Variants in SLC1A1 observed in about 807,000 individuals in gnomAD.
SLC1A1 encodes the protein excitatory amino acid transporter 3.
SLC1A1 carries 43 observed loss-of-function variants against 53.3 expected under a neutral mutation model. The observed-to-expected ratio is 0.81, with a 90% CI of 0.63 to 1.04. The LOEUF (loss-of-function observed/expected upper bound fraction) is 1.04. Among genes scored for constraint, SLC1A1 ranks in the 50% least tolerant of loss-of-function variants. The pLI is 0.00. For synonymous variants in SLC1A1, 307 were observed against 243.2 expected (o/e 1.26, Z -2.44); for missense variants, 748 against 664.9 (o/e 1.12, Z -1.37).
At chr9:4,501,764 C>T (rs576062745) in intron 1 of SLC1A1, among the ~76,000 whole-genome samples, 2 of 150,970 alleles carry the variant, frequency 1.3e-5, no homozygotes, top group South Asian at 2.1e-4. Context: ...AACTCCATCT[C>T]CAAAACAAAA....
Position 4,556,547 on chromosome 9 carries a change from T to G in SLC1A1, c.233-4902T>G, listed in dbSNP as rs1586780749. ...ACCTCGCCAGCCACCAAAGATGGCC[T>G]GAGAGCAAGAAACCCGGGGGTCCAT... On this transcript the variant is annotated intron_variant, in intron 2 of 11. Transcript: ENST00000262352. This position sits in a 1 kb window ranked among gnomAD's most constrained non-coding sequence, Gnocchi z 4.1. Among the ~76,000 whole-genome samples, 1 of 152,272 alleles carries G rather than the reference T, an allele frequency of 6.6e-6. No individual in the cohort carries two copies. The highest frequency in any genetic ancestry group is 2.4e-5 in the African/African-American group (1 of 41,546).
chr9:4,544,321 C>T (rs184831096), intron 1 of SLC1A1, among the ~76,000 whole-genome samples: 289 of 152,118 alleles, frequency 1.9e-3, no homozygotes, highest in African/African-American at 6.0e-3. Flanking sequence ...TAATTGATAG[C>T]GAAGAAATGA....
chr9:4,558,289 C>T (rs936097063), intron 2 of SLC1A1, among the ~76,000 whole-genome samples: 4 of 152,156 alleles, frequency 2.6e-5, no homozygotes, highest in Non-Finnish European at 5.9e-5. Flanking sequence ...GCCAGCTCTG[C>T]CCCCATGTTG....
chr9:4,497,001 A>G (rs1195228010), intron 1 of SLC1A1, among the ~76,000 whole-genome samples: 3 of 152,136 alleles, frequency 2.0e-5, no homozygotes, highest in Non-Finnish European at 4.4e-5. Flanking sequence ...GGAGGGACCT[A>G]GTTGGGGATT....
intron 2 of SLC1A1, among the ~76,000 whole-genome samples, chr9:4,550,565 T>TA (rs1408261988): frequency 1.3e-5 from 2 of 152,244 alleles, no homozygotes; most frequent in African/African-American, 4.8e-5. Context: ...GGCTAATTCT[T>TA]ACTTTTGTCG....
At chr9:4,523,393 G>A (rs1195556609) in intron 1 of SLC1A1, among the ~76,000 whole-genome samples, 1 of 150,846 alleles carries the variant, frequency 6.6e-6, no homozygotes, top group African/African-American at 2.4e-5. Flanking sequence ...GTACCACTAA[G>A]ACCCTAAGAC....
chr9:4,583,307 AC>A lies in SLC1A1; in HGVS notation c.1328+137del. 8.8e-7 allele frequency: 1 copy of A among 1,139,414 alleles called. No homozygotes were observed. The highest frequency in any genetic ancestry group is 1.3e-6 in the Non-Finnish European group (1 of 759,808). 70.6% of individuals were successfully genotyped at this position (1,139,414 alleles called of 1,614,324 possible). A position where few individuals can be genotyped will look rare whatever the true frequency, so the allele number is the denominator to read the frequency against. On this transcript the variant is annotated intron_variant, in intron 11 of 11. Coordinates refer to ENST00000262352, the MANE Select transcript of SLC1A1 (RefSeq NM_004170.6). This position sits in a 1 kb window ranked among gnomAD's most constrained non-coding sequence, Gnocchi z 4.6. ...CTGTTGCTGCTTTAATTTTCCTCTG[AC>A]CAGGCCATCTGATAACATGCCTAAA...
At chr9:4,552,360 C>T (rs1818005377) in intron 2 of SLC1A1, among the ~76,000 whole-genome samples, 1 of 152,074 alleles carries the variant, frequency 6.6e-6, no homozygotes, top group Non-Finnish European at 1.5e-5. Context: ...TTGAAGGAAG[C>T]ATAGAAATCA....
Position 4,587,406 on chromosome 9 carries a change from T to G in SLC1A1, c.*1848T>G, listed in dbSNP as rs1821642156. 6.6e-6 allele frequency: 1 copy of G among 152,200 alleles called. No homozygotes were observed. Among genetic ancestry groups the G allele is most frequent in the Non-Finnish European group, 1.5e-5 (1 of 68,028 alleles). The allele number at this position is 152,200 out of a possible 1,614,324, so 9.4% of individuals were successfully genotyped here. A position where few individuals can be genotyped will look rare whatever the true frequency, so the allele number is the denominator to read the frequency against. Reference sequence around the variant, plus strand: ...TGAAACCAGCCTCTTAACACACTGCTGTTAACTCATAAAAGAGAAGAGTGT... The same window carrying G: ...TGAAACCAGCCTCTTAACACACTGCGGTTAACTCATAAAAGAGAAGAGTGT... On this transcript the variant is annotated 3_prime_UTR_variant, in exon 12 of 12. Transcript: ENST00000262352.
In SLC1A1 at chr9:4,572,350, G is replaced by T; in HGVS notation, c.729G>T (p.Leu243Phe). The T allele has an allele frequency of 6.2e-7, 1 of 1,614,136 alleles. No individual in the cohort carries two copies. The highest frequency in any genetic ancestry group is 1.1e-5 in the South Asian group (1 of 91,072). ...TTCTGGTGGATTTCTTCAATGCTTT[G>T]AGTGATGCAACCATGAAAATCGTTC... ...GQILVDFFNA[L>F]SDATMKIVQI... The change falls in exon 7 of 12, where the codon TTG (leucine) becomes TTT (phenylalanine). Residue 243 changes from leucine (L) to phenylalanine (F), a missense_variant. Coordinates refer to ENST00000262352, the MANE Select transcript of SLC1A1 (RefSeq NM_004170.6).
chr9:4,561,620 G>A (rs563744737), intron 3 of SLC1A1, 79 bp downstream of exon 3: 54 of 889,192 alleles, frequency 6.1e-5, no homozygotes, highest in African/African-American at 5.1e-4. Context: ...GGCCAGATGC[G>A]GTGGCTCAGG....
chr9:4,561,988 G>A (rs62542094), intron 3 of SLC1A1, among the ~76,000 whole-genome samples: 35,157 of 150,992 alleles, frequency 0.23, 4,675 homozygotes, highest in East Asian at 0.46. Flanking sequence ...GAACTCTTGG[G>A]CTCAAGGGAT....
At chr9:4,493,239 G>A (rs1204751015) in intron 1 of SLC1A1, among the ~76,000 whole-genome samples, 1 of 152,200 alleles carries the variant, frequency 6.6e-6, no homozygotes, top group South Asian at 2.1e-4. Context: ...GGTCTGAGAA[G>A]TCTCAAACCT....
At chr9:4,518,015 G>C (rs1295563172) in intron 1 of SLC1A1, among the ~76,000 whole-genome samples, 3 of 151,944 alleles carry the variant, frequency 2.0e-5, no homozygotes, top group Non-Finnish European at 4.4e-5. Flanking sequence ...ATCACTTGAG[G>C]TCAGGAGTTC....
intron 1 of SLC1A1, among the ~76,000 whole-genome samples, chr9:4,515,008 G>A (rs979655777): frequency 2.0e-5 from 3 of 151,530 alleles, no homozygotes; most frequent in African/African-American, 7.3e-5. Context: ...CCCTTTTCTC[G>A]CTGACTCTCT....
At chr9:4,566,005 C>A in intron 4 of SLC1A1, 42 bp from the exon 5 acceptor site, 2 of 1,476,888 alleles carry the variant, frequency 1.4e-6, no homozygotes, top group Non-Finnish European at 1.9e-6. Context: ...CAAAACAATA[C>A]TTTTTGCCCT....
chr9:4,580,601 A>ATGTGTGTGTGTGTG lies in SLC1A1; in HGVS notation c.1194-2399_1194-2386dup, dbSNP rs71326118. 3.9e-3 allele frequency among the ~76,000 whole-genome samples: 271 copies of ATGTGTGTGTGTGTG among 69,670 alleles called. 4 individuals carry two copies. The highest frequency in any genetic ancestry group is 7.1e-3 in the African/African-American group (140 of 19,774). The allele number at this position is 69,670 out of a possible 152,430, so 45.7% of individuals were successfully genotyped here. A position where few individuals can be genotyped will look rare whatever the true frequency, so the allele number is the denominator to read the frequency against. On this transcript the variant is annotated intron_variant, in intron 10 of 11. Coordinates refer to ENST00000262352, the MANE Select transcript of SLC1A1 (RefSeq NM_004170.6). ...GTCTCTGGAAAAAAAAAAAATATAT[A>ATGTGTGTGTGTGTG]TGTGTGTGTGTGTGTGTGTGTGTGT... is the stretch of plus-strand genomic sequence containing the variant.
chr9:4,580,295 A>T (rs933263321), intron 10 of SLC1A1, among the ~76,000 whole-genome samples: 2 of 152,094 alleles, frequency 1.3e-5, no homozygotes, highest in Admixed American at 6.6e-5. Context: ...AAAGCTAATT[A>T]TACAGCAGGG....
intron 1 of SLC1A1, among the ~76,000 whole-genome samples, chr9:4,503,384 G>A (rs547787417): frequency 1.3e-5 from 2 of 152,022 alleles, no homozygotes; most frequent in East Asian, 1.9e-4. Flanking sequence ...TTACTGATAA[G>A]AGAAGCAGAG....
Sources: allele counts gnomAD v4.1 joint callset (sites outside exome capture counted in the v4.1 genomes callset), GRCh38; gene constraint gnomAD v4.1.1; non-coding constraint Gnocchi (gnomAD v3.1); transcripts MANE v1.5; gene names NCBI Gene and HGNC (gene_info 2026-07-23, HGNC 2026-07-21).